Variants in SLCO4A1 observed in about 807,000 individuals in gnomAD.
SLCO4A1 encodes the protein solute carrier organic anion transporter family member 4A1.
Under a neutral mutation model 64.6 loss-of-function variants are expected in SLCO4A1, and 51 were observed. The ratio of observed to expected loss-of-function variants is 0.79; its 90% CI spans 0.63 to 1.00. The LOEUF (loss-of-function observed/expected upper bound fraction) is 1.00, where lower values mean the gene tolerates loss of function less well. Among genes scored for constraint, SLCO4A1 ranks in the 50% least tolerant of loss-of-function variants. SLCO4A1 has a pLI of 0.00. For synonymous variants in SLCO4A1, 471 were observed against 444.9 expected, an observed-to-expected ratio of 1.06 and a Z score of -0.74; for missense variants, 919 against 980.5, an observed-to-expected ratio of 0.94 and a Z score of 0.84.
At position 62,660,493 on chromosome 20, in the gene SLCO4A1, C is replaced by T. The variant is rs771722902; in HGVS notation, c.969C>T (p.Phe323=). Residue 323 remains phenylalanine, a synonymous_variant, in exon 4 of 12, where the codon TTC becomes TTT. Coordinates refer to ENST00000217159, the MANE Select transcript of SLCO4A1 (RefSeq NM_016354.4). ...GFLGSGAAAF[F]TAVPILGYPR... is the part of the protein sequence containing the mutation. ...TGGGCTCTGGGGCCGCTGCTTTCTT[C>T]ACCGCCGTTCCCATCCTTGGTTACC... is the stretch of plus-strand genomic sequence containing the variant. 4.4e-6 allele frequency: 7 copies of T among 1,605,360 alleles called. No individual in the cohort carries two copies. In the South Asian group the frequency reaches 7.7e-5, roughly 18 times the overall value.
intron 2 of SLCO4A1, among the ~76,000 whole-genome samples, chr20:62,682,862 C>G (rs536978370): frequency 8.5e-5 from 13 of 152,314 alleles, no homozygotes; most frequent in African/African-American, 3.1e-4. Flanking sequence ...GAGGGTTAAC[C>G]GCTGCACCTG....
intron 1 of SLCO4A1, among the ~76,000 whole-genome samples, chr20:62,653,417 G>A (rs1456266933): frequency 1.3e-5 from 2 of 152,214 alleles, no homozygotes; most frequent in Admixed American, 1.3e-4. Context: ...CGGTTTATCT[G>A]CCTTCACAGA....
chr20:62,666,507 C>T lies in SLCO4A1; in HGVS notation c.1404C>T (p.Gly468=). Reference sequence around the variant, plus strand: ...TCTGCACCGTTGTCAGCCTGCTGGGCATCCTCGTCTTCTCACTGCACTGCC... The same window carrying T: ...TCTGCACCGTTGTCAGCCTGCTGGGTATCCTCGTCTTCTCACTGCACTGCC... The part of the protein sequence containing the change: ...CLFCTVVSLL[G]ILVFSLHCPS... The change falls in exon 7 of 12, where the codon GGC becomes GGT. Residue 468 remains glycine (G), a synonymous_variant. Transcript: ENST00000217159. 2 of 1,613,540 alleles carry T rather than the reference C, an allele frequency of 1.2e-6. No homozygotes were observed. The highest frequency in any genetic ancestry group is 1.7e-6 in the Non-Finnish European group (2 of 1,179,994).
Position 62,661,047 on chromosome 20 carries a change from A to ACCCC in SLCO4A1, c.1010-16_1010-15insCCCC. 3.0e-6 allele frequency: 1 copy of ACCCC among 331,580 alleles called. No homozygotes were observed. Among genetic ancestry groups the ACCCC allele is most frequent in the East Asian group, 8.6e-5 (1 of 11,614 alleles). The allele number at this position is 331,580 out of a possible 1,614,324, so 20.5% of individuals were successfully genotyped here. A position where few individuals can be genotyped will look rare whatever the true frequency, so the allele number is the denominator to read the frequency against. On this transcript the variant is annotated splice_polypyrimidine_tract_variant and intron_variant, in intron 4 of 11. Transcript: ENST00000217159. The surrounding 1 kb of genome is among the most constrained non-coding windows in gnomAD (Gnocchi z 5.2). ...AGCCCCCAGCCCCCAGCCCCAGCTC[A>ACCCC]CTCTGTGCCCTTCCAGGCTCCCAGC...
At chr20:62,671,274 C>T (rs907445445) in intron 11 of SLCO4A1, among the ~76,000 whole-genome samples, 2 of 152,202 alleles carry the variant, frequency 1.3e-5, no homozygotes, top group Non-Finnish European at 2.9e-5. Context: ...CAGGTGGGGG[C>T]AGGGCGGGCT....
At chr20:62,666,634 G>A (rs1403486574) in intron 7 of SLCO4A1, 59 bp downstream of exon 7, 7 of 1,431,050 alleles carry the variant, frequency 4.9e-6, no homozygotes, top group Admixed American at 1.7e-5. Flanking sequence ...CGGTCCCTGG[G>A]CATGGAGGAG....
downstream of SLCO4A1, among the ~76,000 whole-genome samples, chr20:62,687,217 C>CG (rs34473299): frequency 0.034 from 5,147 of 151,588 alleles, 113 homozygotes; most frequent in East Asian, 0.096. Flanking sequence ...CAAACAGGAG[C>CG]GGGGGCCTCT....
Position 62,671,767 on chromosome 20 carries a change from C to G in SLCO4A1, c.2043C>G (p.Phe681Leu). 1.2e-6 allele frequency: 2 copies of G among 1,613,574 alleles called. No individual in the cohort carries two copies. The highest frequency in any genetic ancestry group is 1.7e-5 in the Admixed American group (1 of 60,032). Residue 681 changes from phenylalanine (F) to leucine (L), a missense_variant, in exon 12 of 12, where the codon TTC (phenylalanine) becomes TTG (leucine). By Grantham distance (22) the Phe-to-Leu change is conservative. Coordinates refer to ENST00000217159, the MANE Select transcript of SLCO4A1 (RefSeq NM_016354.4). Reference sequence around the variant, plus strand: ...CTCCCCAGGTGCTGGGCGTCCTCTTCTTTGCCATAGCCTGCTTCTTATACA... The same window carrying G: ...CTCCCCAGGTGCTGGGCGTCCTCTTGTTTGCCATAGCCTGCTTCTTATACA... ...GLLYKVLGVL[F>L]FAIACFLYKP... is the part of the protein sequence containing the mutation.
At chr20:62,683,740 T>C (rs1987940027) in intron 2 of SLCO4A1, among the ~76,000 whole-genome samples, 1 of 152,166 alleles carries the variant, frequency 6.6e-6, no homozygotes, top group Admixed American at 6.5e-5. Flanking sequence ...GGCGACACCG[T>C]CTGGGTTTGT....
chr20:62,659,893 A>G (rs1052941329), intron 3 of SLCO4A1, among the ~76,000 whole-genome samples: 3 of 152,220 alleles, frequency 2.0e-5, no homozygotes, highest in African/African-American at 4.8e-5. Flanking sequence ...ATGGGCTTCT[A>G]CCACTCCACG....
In SLCO4A1 at chr20:62,661,024, C is replaced by CCCCCAGA. The variant is rs2147085560; in HGVS notation, c.1010-34_1010-33insACCCCAG. Reference sequence around the variant, plus strand: ...TCTCGGAGAAGTCCACCTCCGGGAGCCCCCAGCCCCCAGCCCCAGCTCACT... The same window carrying CCCCCAGA: ...TCTCGGAGAAGTCCACCTCCGGGAGCCCCCAGACCCCAGCCCCCAGCCCCAGCTCACT... On this transcript the variant is annotated intron_variant, in intron 4 of 11. Transcript: ENST00000217159. The surrounding 1 kb of genome is among the most constrained non-coding windows in gnomAD (Gnocchi z 5.2). The CCCCCAGA allele has an allele frequency of 2.0e-6, 1 of 503,468 alleles. No individual in the cohort carries two copies. Among genetic ancestry groups the CCCCCAGA allele is most frequent in the South Asian group, 1.5e-5 (1 of 66,744 alleles). 31.2% of individuals were successfully genotyped at this position (503,468 alleles called of 1,614,324 possible). A position where few individuals can be genotyped will look rare whatever the true frequency, so the allele number is the denominator to read the frequency against.
downstream of SLCO4A1, among the ~76,000 whole-genome samples, chr20:62,687,590 G>T (rs572553161): frequency 1.3e-5 from 2 of 152,358 alleles, no homozygotes; most frequent in African/African-American, 4.8e-5. Context: ...CCAGAGAGGG[G>T]GAGGTCCCTT....
intron 2 of SLCO4A1, among the ~76,000 whole-genome samples, chr20:62,680,776 T>C (rs560447801): frequency 4.6e-5 from 7 of 152,294 alleles, no homozygotes; most frequent in Non-Finnish European, 8.8e-5. Flanking sequence ...TTGCTGGTGT[T>C]GAGTTAAGGG....
In SLCO4A1 at chr20:62,656,907, T is replaced by C. The variant is rs2147077916; in HGVS notation, c.453T>C (p.Ile151=). 1.3e-6 allele frequency: 2 copies of C among 1,569,496 alleles called. No individual in the cohort carries two copies. The highest frequency in any genetic ancestry group is 1.7e-6 in the Non-Finnish European group (2 of 1,151,828). The change falls in exon 2 of 12, where the codon ATT becomes ATC. Residue 151 remains isoleucine, a synonymous_variant. Transcript: ENST00000217159. ...GGCTCATCGCCAGCTCCTACGACAT[T>C]GCCGCCTGCCTCTGCCTCACCTTCG... The part of the protein sequence containing the change: ...QSGLIASSYD[I]AACLCLTFVS...
chr20:62,668,811 A>AACTCCAACGGCCAGTATC, intron 10 of SLCO4A1, 119 bp from the exon 11 acceptor site: 1 of 1,068,068 alleles, frequency 9.4e-7, no homozygotes, highest in South Asian at 1.6e-5. Context: ...ACCCCCTGAG[A>AACTCCAACGGCCAGTATC]ACTCCAACGG....
At chr20:62,648,405 A>G (rs1331915373) in intron 1 of SLCO4A1, among the ~76,000 whole-genome samples, 1 of 152,226 alleles carries the variant, frequency 6.6e-6, no homozygotes, top group Non-Finnish European at 1.5e-5. Context: ...GGGCAGCCAC[A>G]GGGGGCCTGA....
downstream of SLCO4A1, among the ~76,000 whole-genome samples, chr20:62,676,985 AT>A (rs1234896643): frequency 6.6e-6 from 1 of 152,238 alleles, no homozygotes; most frequent in Non-Finnish European, 1.5e-5. Context: ...GCCCTGCGCT[AT>A]GGTGTGCAGG....
chr20:62,680,764 A>G (rs6089840), intron 2 of SLCO4A1, among the ~76,000 whole-genome samples: 27,718 of 152,102 alleles, frequency 0.18, 2,937 homozygotes, highest in Non-Finnish European at 0.24. Flanking sequence ...GCTGGATTCA[A>G]TTTGCTGGTG....
At chr20:62,668,389 G>A (rs997033640) in intron 9 of SLCO4A1, 88 bp from the exon 10 acceptor site, 1 of 1,405,052 alleles carries the variant, frequency 7.1e-7, no homozygotes, top group East Asian at 2.3e-5. Flanking sequence ...TGTGGCTGGG[G>A]ACTGGTCCAG....
Sources: gnomAD v4.1 joint callset for allele counts (sites outside exome capture counted in the v4.1 genomes callset) on GRCh38, gnomAD v4.1.1 for gene constraint, Gnocchi (gnomAD v3.1) non-coding constraint, MANE v1.5 for transcripts, NCBI Gene and HGNC (gene_info 2026-07-23, HGNC 2026-07-21) for gene names.